The following PDE4D variants were observed in gnomAD, a reference collection of about 807,000 sequenced individuals.
PDE4D encodes 3',5'-cyclic-AMP phosphodiesterase 4D.
In PDE4D, 24 loss-of-function variants were observed where a neutral mutation model predicts 87.4. The observed-to-expected ratio is 0.27, with a 90% CI of 0.20 to 0.39. The LOEUF is 0.39. Ranked by LOEUF, PDE4D falls within the 10% of genes least tolerant of loss-of-function variation. The probability of loss-of-function intolerance (pLI) is 1.00; values close to 1 mark genes in which losing one functional copy is unlikely to be tolerated. For synonymous variants in PDE4D, 384 were observed against 383.2 expected (o/e 1.00, Z -0.02); for missense variants, 714 against 1,041.0 (o/e 0.69, Z 4.32).
chr5:59,668,705 C>T (rs1746472883), intron 1 of PDE4D, among the ~76,000 whole-genome samples: 1 of 141,330 alleles, frequency 7.1e-6, no homozygotes, highest in African/African-American at 2.7e-5. Context: ...GAGTGAGACC[C>T]TGCCTCAAGA....
chr5:60,179,427 CAATT>C (rs1398282716), intron 2 of PDE4D, among the ~76,000 whole-genome samples: 2 of 152,194 alleles, frequency 1.3e-5, no homozygotes, highest in East Asian at 1.9e-4. Context: ...GTATTGAACA[CAATT>C]GATTATTGTA....
intron 1 of PDE4D, among the ~76,000 whole-genome samples, chr5:59,520,954 T>A (rs1450186218): frequency 6.6e-6 from 1 of 152,108 alleles, no homozygotes; most frequent in African/African-American, 2.4e-5. Context: ...ATATAATGTA[T>A]ATGAAATTCC....
intron 1 of PDE4D, among the ~76,000 whole-genome samples, chr5:59,681,635 T>G (rs1749023295): frequency 6.6e-6 from 1 of 152,062 alleles, no homozygotes; most frequent in South Asian, 2.1e-4. Context: ...GTGCGGTGGC[T>G]AAGGCCTGTA....
At chr5:59,373,737 T>C (rs973038968) in intron 1 of PDE4D, among the ~76,000 whole-genome samples, 3 of 152,160 alleles carry the variant, frequency 2.0e-5, no homozygotes, top group African/African-American at 7.2e-5. Flanking sequence ...AATCATTAGA[T>C]TCTCCAAGGT....
chr5:59,004,674 G>A (rs1404540433), intron 6 of PDE4D, among the ~76,000 whole-genome samples: 1 of 152,350 alleles, frequency 6.6e-6, no homozygotes, highest in East Asian at 1.9e-4. Flanking sequence ...TTGGGTTCTA[G>A]GCTCAGAGAA....
intron 1 of PDE4D, among the ~76,000 whole-genome samples, chr5:59,516,256 T>C (rs1811131665): frequency 6.6e-6 from 1 of 152,186 alleles, no homozygotes; most frequent in Non-Finnish European, 1.5e-5. Flanking sequence ...TTAGAATCGA[T>C]GTTTGGTCTC....
chr5:60,202,779 A>G (rs1742070966), intron 1 of PDE4D, among the ~76,000 whole-genome samples: 1 of 128,178 alleles, frequency 7.8e-6, no homozygotes, highest in Admixed American at 7.6e-5. Flanking sequence ...CATGAAAAGA[A>G]AAAAAAATAC....
chr5:60,457,635 A>G (rs549021959), intron 1 of PDE4D, among the ~76,000 whole-genome samples: 1 of 152,266 alleles, frequency 6.6e-6, no homozygotes, highest in African/African-American at 2.4e-5. Flanking sequence ...GTTCTGCCCC[A>G]TGACTTCAAA....
chr5:60,093,460 A>G (rs1472386687), intron 2 of PDE4D, among the ~76,000 whole-genome samples: 1 of 152,178 alleles, frequency 6.6e-6, no homozygotes, highest in East Asian at 1.9e-4. Context: ...ACCAGTTTTC[A>G]TATCAGGGCA....
At chr5:59,044,052 A>G (rs1760206956) in intron 5 of PDE4D, among the ~76,000 whole-genome samples, 1 of 152,158 alleles carries the variant, frequency 6.6e-6, no homozygotes, top group African/African-American at 2.4e-5. Flanking sequence ...ATGATTTATA[A>G]TCCTTTGGGT....
At chr5:59,140,996 G>A (rs535309686) in intron 5 of PDE4D, among the ~76,000 whole-genome samples, 1 of 152,218 alleles carries the variant, frequency 6.6e-6, no homozygotes, top group African/African-American at 2.4e-5. Flanking sequence ...CTATTTTTAG[G>A]GGCCAAAGAG....
rs1347166004 is a variant in PDE4D, at chr5:59,464,309, T to A, written c.456-248341A>T. On this transcript the variant is annotated intron_variant, in intron 1 of 14. Transcript: ENST00000340635. ...TCCTGCCCCTCCCTGGGCAATGGAATGTCTCACTATAAAACCCGATTGTAC... is the reference window on the plus strand; with the variant it reads ...TCCTGCCCCTCCCTGGGCAATGGAAAGTCTCACTATAAAACCCGATTGTAC... Among the ~76,000 whole-genome samples the A allele has an allele frequency of 2.0e-5, 3 of 152,210 alleles. No individual in the cohort carries two copies. In the East Asian group the frequency reaches 5.8e-4, roughly 29 times the overall value.
rs117593218 is a variant in PDE4D at position 59,847,742 on chromosome 5, A to T, written c.455+45426T>A. Among the ~76,000 whole-genome samples, 7 of 152,210 alleles carry T rather than the reference A, an allele frequency of 4.6e-5. No individual in the cohort carries two copies. In the East Asian group the frequency reaches 1.4e-3, roughly 29 times the overall value. ...TATAATCTGAGCCCAGTAACTCCATATGGCAAATTTGACAGAAGTCTGCTC... is the reference window on the plus strand; with the variant it reads ...TATAATCTGAGCCCAGTAACTCCATTTGGCAAATTTGACAGAAGTCTGCTC... On this transcript the variant is annotated intron_variant, in intron 1 of 14. Coordinates refer to ENST00000340635, the MANE Select transcript of PDE4D (RefSeq NM_001104631.2).
chr5:59,355,461 C>T (rs1781232079), intron 1 of PDE4D, among the ~76,000 whole-genome samples: 1 of 152,050 alleles, frequency 6.6e-6, no homozygotes, highest in African/African-American at 2.4e-5. Flanking sequence ...GAAATATGCA[C>T]AGTAATGTTA....
chr5:59,023,132 G>C (rs1384646132), intron 6 of PDE4D, among the ~76,000 whole-genome samples: 1 of 150,258 alleles, frequency 6.7e-6, no homozygotes, highest in Non-Finnish European at 1.5e-5. Context: ...CCTAGATCAC[G>C]CCATTGCACT....
At chr5:59,097,803 A>C (rs1043629725) in intron 5 of PDE4D, among the ~76,000 whole-genome samples, 3 of 152,170 alleles carry the variant, frequency 2.0e-5, no homozygotes, top group African/African-American at 7.2e-5. Flanking sequence ...AGGAAGGTCA[A>C]TTACAAGCCT....
intron 1 of PDE4D, among the ~76,000 whole-genome samples, chr5:59,541,176 T>G (rs1400585318): frequency 1.3e-5 from 2 of 152,202 alleles, no homozygotes; most frequent in African/African-American, 4.8e-5. Context: ...CACTGCTTTA[T>G]CTCTATAATT....
chr5:59,668,778 G>GAAGA (rs1554056562), intron 1 of PDE4D, among the ~76,000 whole-genome samples: 3 of 123,482 alleles, frequency 2.4e-5, no homozygotes, highest in African/African-American at 1.1e-4. Context: ...GAAGAAGAAA[G>GAAGA]AAGAAGAAGA....
At chr5:59,218,938 G>T (rs961590121) in intron 1 of PDE4D, among the ~76,000 whole-genome samples, 1 of 149,038 alleles carries the variant, frequency 6.7e-6, no homozygotes, top group Non-Finnish European at 1.5e-5. Context: ...GTAAACTATC[G>T]CAAGAACAAA....
Sources: allele counts gnomAD v4.1 joint callset (sites outside exome capture counted in the v4.1 genomes callset), GRCh38; gene constraint gnomAD v4.1.1; transcripts MANE v1.5; gene names NCBI Gene and HGNC (gene_info 2026-07-23, HGNC 2026-07-21).